Variants in CHRNA4 observed in about 807,000 individuals in gnomAD.
CHRNA4 encodes the protein neuronal acetylcholine receptor subunit alpha-4.
Under a neutral mutation model 48.9 loss-of-function variants are expected in CHRNA4, and 28 were observed. The observed-to-expected ratio is 0.57, with a 90% confidence interval of 0.42 to 0.79. The LOEUF (loss-of-function observed/expected upper bound fraction) is 0.79. Ranked by LOEUF, CHRNA4 falls within the 30% of genes least tolerant of loss-of-function variation. The probability of loss-of-function intolerance (pLI) is 0.00; values close to 1 mark genes in which losing one functional copy is unlikely to be tolerated. For synonymous variants in CHRNA4, 425 were observed against 402.3 expected (o/e 1.06, Z -0.68); for missense variants, 859 against 898.4 (o/e 0.96, Z 0.56).
chr20:63,355,012 C>T (rs1018654128), intron 4 of CHRNA4, among the ~76,000 whole-genome samples: 3 of 152,186 alleles, frequency 2.0e-5, no homozygotes, highest in Admixed American at 6.5e-5. Flanking sequence ...AATCATACAG[C>T]AGGGTTTGTA....
intron 5 of CHRNA4, among the ~76,000 whole-genome samples, chr20:63,347,356 G>A (rs1285202970): frequency 6.6e-6 from 1 of 152,222 alleles, no homozygotes; most frequent in Non-Finnish European, 1.5e-5. Context: ...CATGGAGCCC[G>A]CAGAGCTGCC....
chr20:63,358,677 C>A (rs2068755167), intron 2 of CHRNA4, among the ~76,000 whole-genome samples: 1 of 152,208 alleles, frequency 6.6e-6, no homozygotes, highest in Non-Finnish European at 1.5e-5. Context: ...GCCTGCCCAA[C>A]CTGCCCTCCT....
At chr20:63,353,661 G>A in intron 4 of CHRNA4, among the ~76,000 whole-genome samples, 2 of 73,648 alleles carry the variant, frequency 2.7e-5, no homozygotes, top group African/African-American at 4.7e-5. Context: ...CTAGGGGGCT[G>A]TGGTCCTGGG....
In CHRNA4 at chr20:63,355,962, G is replaced by A. The variant is rs199761642; in HGVS notation, c.383+13C>T. On this transcript the variant is annotated intron_variant, in intron 4 of 5. Transcript: ENST00000370263. ...AGGCCCTGTAGAGGACTCACTTGTT[G>A]TAGAGGACTCACTTGTTGTAGAGGA... 3.0e-5 allele frequency: 49 copies of A among 1,611,916 alleles called. No individual in the cohort carries two copies. Among genetic ancestry groups the A allele is most frequent in the Non-Finnish European group, 3.6e-5 (43 of 1,179,572 alleles).
At chr20:63,355,621 C>T (rs756574219) in intron 4 of CHRNA4, 28 of 1,309,280 alleles carry the variant, frequency 2.1e-5, no homozygotes, top group South Asian at 7.4e-5. Flanking sequence ...GCAAAGACGT[C>T]GCGGGTCAGG....
At chr20:63,356,474 G>A in intron 2 of CHRNA4, 59 bp from the exon 3 acceptor site, 1 of 1,517,246 alleles carries the variant, frequency 6.6e-7, no homozygotes, top group Admixed American at 1.9e-5. Context: ...TCTGGCCCTA[G>A]GTTTCCTCAT....
chr20:63,357,011 C>T (rs1226850345), intron 2 of CHRNA4, among the ~76,000 whole-genome samples: 25 of 151,430 alleles, frequency 1.7e-4, no homozygotes, highest in African/African-American at 6.1e-4. Flanking sequence ...CTCCATGGAC[C>T]ACATCCCCAC....
rs121912280 is a variant in CHRNA4, at chr20:63,349,951, C to T, written c.1460G>A (p.Arg487Gln). 4.5e-4 allele frequency: 711 copies of T among 1,576,496 alleles called. 3 individuals are homozygous for T. The Middle Eastern group carries it at 5.1e-3, about 11-fold the overall frequency. Residue 487 changes from arginine (R) to glutamine (Q), a missense_variant, in exon 5 of 6, where the codon CGG becomes CAG. Around this residue, in one of 3 missense-constraint regions of CHRNA4, gnomAD observed 478 missense variants for 455.4 expected, o/e 1.05. Transcript: ENST00000370263. Reference sequence around the variant, plus strand: ...TCGGGGAACACAGTACTGGATGCTCCGAGACCGGCACCGGACGCCGCCTTC... The same window carrying T: ...TCGGGGAACACAGTACTGGATGCTCTGAGACCGGCACCGGACGCCGCCTTC... The part of the protein sequence containing the change: ...AVEGGVRCRS[R>Q]SIQYCVPRDD...
chr20:63,355,383 C>G, intron 4 of CHRNA4: 1 of 647,054 alleles, frequency 1.5e-6, no homozygotes, highest in Middle Eastern at 3.1e-4. Flanking sequence ...TTGGCCCAGC[C>G]CGAGGCTTTG....
intron 2 of CHRNA4, among the ~76,000 whole-genome samples, chr20:63,357,306 AGGACCTCATCCCG>A (rs1354973589): frequency 2.4e-5 from 2 of 82,626 alleles, no homozygotes; most frequent in African/African-American, 3.5e-5. Flanking sequence ...TCATCCCCTC[AGGACCTCATCCCG>A]TGTGTCTGAG....
rs1008541559 is a variant in CHRNA4 at position 63,345,869 on chromosome 20, C to T, written c.*869G>A. 17 of 453,038 alleles carry T rather than the reference C, an allele frequency of 3.8e-5. No individual in the cohort carries two copies. Among genetic ancestry groups the T allele is most frequent in the East Asian group, 7.0e-5 (1 of 14,350 alleles). 28.1% of individuals were successfully genotyped at this position (453,038 alleles called of 1,614,324 possible). A position where few individuals can be genotyped will look rare whatever the true frequency, so the allele number is the denominator to read the frequency against. On this transcript the variant is annotated 3_prime_UTR_variant, in exon 6 of 6. Coordinates refer to ENST00000370263, the MANE Select transcript of CHRNA4 (RefSeq NM_000744.7). This position sits in a 1 kb window ranked among gnomAD's most constrained non-coding sequence, Gnocchi z 5.4. ...ACTCCATTCGGGACCTTCCCAGCTC[C>T]GGGGAATCACAACACAGAAGTACCC...
intron 2 of CHRNA4, among the ~76,000 whole-genome samples, chr20:63,357,593 G>C (rs2068739512): frequency 6.6e-6 from 1 of 152,236 alleles, no homozygotes; most frequent in African/African-American, 2.4e-5. Flanking sequence ...GACAGACCCT[G>C]GTGATGGCAC....
intron 5 of CHRNA4, among the ~76,000 whole-genome samples, chr20:63,348,774 G>A (rs1052471669): frequency 2.5e-5 from 3 of 121,636 alleles, no homozygotes; most frequent in African/African-American, 9.7e-5. Flanking sequence ...TATCCTGTCC[G>A]TGGACCCTGG....
chr20:63,358,314 G>A (rs546533424), intron 2 of CHRNA4, among the ~76,000 whole-genome samples: 2 of 152,324 alleles, frequency 1.3e-5, no homozygotes, highest in African/African-American at 4.8e-5. Flanking sequence ...AAGCCCCTGG[G>A]GTGTGGCCCA....
rs755449193 is a variant in CHRNA4 at position 63,361,211 on chromosome 20, C to T, written c.-46G>A. The T allele has an allele frequency of 2.1e-6, 3 of 1,450,614 alleles. 1 individual carries two copies. In the South Asian group the frequency reaches 4.0e-5, roughly 19 times the overall value. 89.9% of individuals were successfully genotyped at this position (1,450,614 alleles called of 1,614,324 possible). A position where few individuals can be genotyped will look rare whatever the true frequency, so the allele number is the denominator to read the frequency against. ...TCTAGATGCGGGCGGCTCCCGGCTCCCCGCCGCTTCGAGGCCCGTGCGCGC... is the reference window on the plus strand; with the variant it reads ...TCTAGATGCGGGCGGCTCCCGGCTCTCCGCCGCTTCGAGGCCCGTGCGCGC... On this transcript the variant is annotated 5_prime_UTR_variant, in exon 1 of 6. Transcript: ENST00000370263.
At chr20:63,357,775 G>A (rs559913841) in intron 2 of CHRNA4, among the ~76,000 whole-genome samples, 11 of 152,246 alleles carry the variant, frequency 7.2e-5, no homozygotes, top group Admixed American at 2.6e-4. Flanking sequence ...CGTGGCCCTC[G>A]GCCTTGGGCA....
chr20:63,350,559 C>G lies in CHRNA4; in HGVS notation c.852G>C (p.Ser284=). 4 of 1,613,828 alleles carry G rather than the reference C, an allele frequency of 2.5e-6. No homozygotes were observed. Among genetic ancestry groups the G allele is most frequent in the Non-Finnish European group, 2.5e-6 (3 of 1,180,008 alleles). Reference sequence around the variant, plus strand: ...TGATGAGCAGCAGGAAGACGGTGAGCGACAGCAGCACGGAGATGCACAGCG... The same window carrying G: ...TGATGAGCAGCAGGAAGACGGTGAGGGACAGCAGCACGGAGATGCACAGCG... ...KITLCISVLL[S]LTVFLLLITE... Residue 284 remains serine (S), a synonymous_variant, in exon 5 of 6, where the codon TCG becomes TCC. Coordinates refer to ENST00000370263, the MANE Select transcript of CHRNA4 (RefSeq NM_000744.7).
Position 63,346,629 on chromosome 20 carries a change from C to G in CHRNA4, c.*109G>C, listed in dbSNP as rs763215074. 1 of 1,484,808 alleles carries G rather than the reference C, an allele frequency of 6.7e-7. No individual in the cohort carries two copies. The highest frequency in any genetic ancestry group is 1.2e-5 in the South Asian group (1 of 82,948). 92.0% of individuals were successfully genotyped at this position (1,484,808 alleles called of 1,614,324 possible). On this transcript the variant is annotated 3_prime_UTR_variant, in exon 6 of 6. Transcript: ENST00000370263. The stretch of plus-strand genomic sequence containing the variant: ...AGAACAGGAAGGAAAATTTGGCAAA[C>G]GTGTGGCCCCACAGAGTCCAGGGAG...
In CHRNA4 at chr20:63,355,257, C is replaced by T. The variant is rs45528035; in HGVS notation, c.383+718G>A. The stretch of plus-strand genomic sequence containing the variant: ...GGACAAGTTAGAGGACAGCAGCCTC[C>T]GGAGGCCACCATCTGCCACGGCCAA... On this transcript the variant is annotated intron_variant, in intron 4 of 5. Coordinates refer to ENST00000370263, the MANE Select transcript of CHRNA4 (RefSeq NM_000744.7). 1.8e-3 allele frequency: 622 copies of T among 349,268 alleles called. 1 individual carries two copies. The highest frequency in any genetic ancestry group is 2.8e-3 in the Non-Finnish European group (497 of 176,614). The allele number at this position is 349,268 out of a possible 1,614,324, so 21.6% of individuals were successfully genotyped here.
Sources: gnomAD v4.1 joint callset for allele counts (sites outside exome capture counted in the v4.1 genomes callset) on GRCh38, gnomAD v4.1.1 for gene constraint, gnomAD v4.1.1 regional missense constraint, Gnocchi (gnomAD v3.1) non-coding constraint, MANE v1.5 for transcripts, NCBI Gene and HGNC (gene_info 2026-07-23, HGNC 2026-07-21) for gene names.